The following RASA2 variants were observed in gnomAD, a reference collection of about 807,000 sequenced individuals.
RASA2 encodes RAS p21 protein activator 2.
In RASA2, 155 loss-of-function variants were observed where a neutral mutation model predicts 118.2. That is an observed-to-expected ratio of 1.31 (90% CI 1.15 to 1.50). The LOEUF (loss-of-function observed/expected upper bound fraction) is 1.50, where lower values mean the gene tolerates loss of function less well. Ranked by LOEUF, RASA2 falls within the 40% of genes most tolerant of loss-of-function variation. The pLI is 0.00. For missense variants in RASA2, 1,016 were observed against 1,009.6 expected, an observed-to-expected ratio of 1.01 and a Z score of -0.09; for synonymous variants, 353 against 349.1, an observed-to-expected ratio of 1.01 and a Z score of -0.12.
intron 17 of RASA2, among the ~76,000 whole-genome samples, chr3:141,581,690 A>C (rs1165723848): frequency 1.3e-5 from 2 of 152,184 alleles, no homozygotes; most frequent in African/African-American, 4.8e-5. Flanking sequence ...GTGGGCACTT[A>C]ATTGCCATAG....
intron 5 of RASA2, among the ~76,000 whole-genome samples, chr3:141,551,019 C>G (rs923250394): frequency 3.3e-5 from 5 of 152,274 alleles, no homozygotes; most frequent in South Asian, 4.1e-4. Flanking sequence ...TTTTAAATGT[C>G]TTTGTCTGCT....
chr3:141,599,044 C>T (rs576890386), intron 19 of RASA2, among the ~76,000 whole-genome samples: 77 of 152,080 alleles, frequency 5.1e-4, no homozygotes, highest in Non-Finnish European at 8.8e-4. Flanking sequence ...GCCGAGATCG[C>T]GCCACTGCAC....
chr3:141,494,006 CT>C (rs764964576), intron 1 of RASA2, among the ~76,000 whole-genome samples: 2 of 152,116 alleles, frequency 1.3e-5, no homozygotes, highest in Non-Finnish European at 2.9e-5. Context: ...AGAGATCTGC[CT>C]TATTTTTTAA....
At chr3:141,585,233 C>G (rs2083181656) in intron 17 of RASA2, among the ~76,000 whole-genome samples, 1 of 152,006 alleles carries the variant, frequency 6.6e-6, no homozygotes, top group South Asian at 2.1e-4. Context: ...TTTAACACCC[C>G]CCAGTGGAGC....
At chr3:141,592,515 G>GT (rs1182549522) in intron 19 of RASA2, among the ~76,000 whole-genome samples, 1 of 152,200 alleles carries the variant, frequency 6.6e-6, no homozygotes, top group African/African-American at 2.4e-5. Flanking sequence ...GAATAACATT[G>GT]TTTAACTTAT....
In RASA2 at chr3:141,550,587, A is replaced by G. The variant is rs151312169; in HGVS notation, c.528-3270A>G. Among the ~76,000 whole-genome samples, 851 of 152,370 alleles carry G rather than the reference A, an allele frequency of 5.6e-3. 9 individuals are homozygous for G. Among genetic ancestry groups the G allele is most frequent in the African/African-American group, 0.019 (796 of 41,584 alleles). ...TGTTGATGAGTATACAGAAACTATTATTTTAACAGCTTTTTTGAATATCTG... is the reference window on the plus strand; with the variant it reads ...TGTTGATGAGTATACAGAAACTATTGTTTTAACAGCTTTTTTGAATATCTG... On this transcript the variant is annotated intron_variant, in intron 5 of 23. Transcript: ENST00000286364.
intron 1 of RASA2, among the ~76,000 whole-genome samples, chr3:141,501,582 G>C (rs752142485): frequency 6.6e-6 from 1 of 152,200 alleles, no homozygotes; most frequent in Non-Finnish European, 1.5e-5. Context: ...TTGAAACGCA[G>C]ATGTCTGCCT....
At chr3:141,572,257 A>C (rs1288625198) in intron 11 of RASA2, among the ~76,000 whole-genome samples, 1 of 151,798 alleles carries the variant, frequency 6.6e-6, no homozygotes, top group Non-Finnish European at 1.5e-5. Context: ...ACGCCCAGCT[A>C]ATTTTTGTAT....
intron 1 of RASA2, among the ~76,000 whole-genome samples, chr3:141,511,715 A>G (rs1157237603): frequency 6.6e-6 from 1 of 152,114 alleles, no homozygotes; most frequent in Admixed American, 6.5e-5. Context: ...ACTAGAGATG[A>G]TGCTTTTAAG....
Position 141,615,053 on chromosome 3 carries a change from G to A in RASA2, c.*2740G>A, listed in dbSNP as rs1479467802. 6.6e-6 allele frequency: 1 copy of A among 152,112 alleles called. No individual in the cohort carries two copies. The highest frequency in any genetic ancestry group is 1.5e-5 in the Non-Finnish European group (1 of 68,022). 9.4% of individuals were successfully genotyped at this position (152,112 alleles called of 1,614,324 possible). ...AGCCTTTTAGGTGTTTTTACAGTAT[G>A]TGAAAAATACAAGACTCATTCTAGA... is the stretch of plus-strand genomic sequence containing the variant. On this transcript the variant is annotated 3_prime_UTR_variant, in exon 24 of 24. Coordinates refer to ENST00000286364, the MANE Select transcript of RASA2 (RefSeq NM_006506.5).
chr3:141,517,249 C>T (rs1269813363), intron 3 of RASA2, among the ~76,000 whole-genome samples: 1 of 152,162 alleles, frequency 6.6e-6, no homozygotes, highest in Non-Finnish European at 1.5e-5. Flanking sequence ...TATACATTTT[C>T]TTCCTGTCTG....
intron 19 of RASA2, among the ~76,000 whole-genome samples, chr3:141,587,630 C>A (rs2083226036): frequency 6.7e-6 from 1 of 149,128 alleles, no homozygotes; most frequent in Non-Finnish European, 1.5e-5. Flanking sequence ...AGGAGAATCG[C>A]TTGAACCCAG....
chr3:141,560,072 C>A, intron 9 of RASA2, 77 bp downstream of exon 9: 1 of 1,119,900 alleles, frequency 8.9e-7, no homozygotes, highest in Non-Finnish European at 1.3e-6. Flanking sequence ...TAAATGCTTA[C>A]TCTGAACATA....
At chr3:141,492,485 A>G (rs78570717) in intron 1 of RASA2, among the ~76,000 whole-genome samples, 19,690 of 152,214 alleles carry the variant, frequency 0.13, 1,827 homozygotes, top group East Asian at 0.24. Context: ...ATAAACATTA[A>G]AAGTTTGTAT....
At chr3:141,580,058 G>GAAAAAAA (rs1224245090) in intron 15 of RASA2, among the ~76,000 whole-genome samples, 1 of 18,730 alleles carries the variant, frequency 5.3e-5, no homozygotes. Flanking sequence ...TCCATCTCAG[G>GAAAAAAA]AAAAAAAAAA....
At chr3:141,515,174 C>T (rs2082004819) in intron 2 of RASA2, among the ~76,000 whole-genome samples, 1 of 151,806 alleles carries the variant, frequency 6.6e-6, no homozygotes, top group Non-Finnish European at 1.5e-5. Flanking sequence ...TTAAAAATAC[C>T]TTGTTTTAAT....
chr3:141,597,251 A>G (rs2083388071), intron 19 of RASA2, among the ~76,000 whole-genome samples: 1 of 152,084 alleles, frequency 6.6e-6, no homozygotes, highest in Non-Finnish European at 1.5e-5. Context: ...AAATAATAAT[A>G]AAGAATACTA....
chr3:141,487,320 CG>C (rs1167819518), intron 1 of RASA2, 104 bp downstream of exon 1: 1 of 1,134,314 alleles, frequency 8.8e-7, no homozygotes, highest in Non-Finnish European at 1.1e-6. Context: ...GCTGGGATCG[CG>C]GGCCCGGGAG....
At chr3:141,502,326 A>G (rs1479134019) in intron 1 of RASA2, among the ~76,000 whole-genome samples, 2 of 152,138 alleles carry the variant, frequency 1.3e-5, no homozygotes, top group Non-Finnish European at 2.9e-5. Flanking sequence ...TCTTCAGACT[A>G]TCAGAGTACT....
Sources: allele counts gnomAD v4.1 joint callset (sites outside exome capture counted in the v4.1 genomes callset), GRCh38; gene constraint gnomAD v4.1.1; transcripts MANE v1.5; gene names NCBI Gene and HGNC (gene_info 2026-07-23, HGNC 2026-07-21).